CHODL: variants seen among roughly 807,000 people sequenced by gnomAD.
CHODL encodes transmembrane protein MT75.
CHODL carries 29 observed loss-of-function variants against 34.5 expected under a neutral mutation model. That is an observed-to-expected ratio of 0.84 (90% CI 0.63 to 1.15). The LOEUF is 1.15. Among genes scored for constraint, CHODL ranks in the 50% most tolerant of loss-of-function variants. CHODL has a pLI of 0.00. For synonymous variants in CHODL, 125 were observed against 116.1 expected, an observed-to-expected ratio of 1.08 and a Z score of -0.49; for missense variants, 332 against 332.5, an observed-to-expected ratio of 1.00 and a Z score of 0.01.
intron 1 of CHODL, among the ~76,000 whole-genome samples, chr21:17,987,468 A>C (rs2063762470): frequency 6.6e-6 from 1 of 152,204 alleles, no homozygotes. Flanking sequence ...AATAAAAAGA[A>C]TCACTTTCAA....
intron 2 of CHODL, among the ~76,000 whole-genome samples, chr21:18,063,732 TAAAGA>T (rs2064696937): frequency 6.6e-6 from 1 of 152,246 alleles, no homozygotes; most frequent in Admixed American, 6.5e-5. Flanking sequence ...AATAATTATG[TAAAGA>T]ATACTATTTA....
At chr21:18,249,108 TATATATATAATAAAATACATATATAATA>T (rs2074203337) in intron 1 of CHODL, among the ~76,000 whole-genome samples, 1 of 117,492 alleles carries the variant, frequency 8.5e-6, no homozygotes, top group Non-Finnish European at 1.6e-5. Flanking sequence ...TATATAATAA[TATATATATAATAAAATACATATATAATA>T]ATATATATAT....
chr21:17,964,986 A>G lies in CHODL; in HGVS notation c.-145+47586A>G, dbSNP rs370251652. 1.8e-4 allele frequency among the ~76,000 whole-genome samples: 27 copies of G among 152,340 alleles called. 1 individual carries two copies. The highest frequency in any genetic ancestry group is 5.0e-4 in the African/African-American group (21 of 41,588). On this transcript the variant is annotated intron_variant, in intron 1 of 6. Coordinates refer to the CHODL transcript ENST00000400127. ...CATCTGGAAACCATCAGTAAATAAC[A>G]GTTTGGAAATTTCTGCTTCATTTGG...
At chr21:18,046,771 TCTTA>T (rs1297107181) in intron 2 of CHODL, among the ~76,000 whole-genome samples, 2 of 152,104 alleles carry the variant, frequency 1.3e-5, no homozygotes, top group South Asian at 2.1e-4. Flanking sequence ...GACTTGGTTT[TCTTA>T]CTTTAGTTGT....
intron 2 of CHODL, among the ~76,000 whole-genome samples, chr21:18,088,983 C>A (rs1348623620): frequency 1.3e-5 from 2 of 152,188 alleles, no homozygotes; most frequent in Non-Finnish European, 2.9e-5. Context: ...GGAGGCTGCA[C>A]CTGCTCATCC....
chr21:17,949,515 G>T (rs927700463), intron 1 of CHODL, among the ~76,000 whole-genome samples: 3 of 152,240 alleles, frequency 2.0e-5, no homozygotes, highest in Non-Finnish European at 4.4e-5. Flanking sequence ...AAGTGGGGAA[G>T]AGATGAAGTT....
chr21:18,074,557 T>G (rs1463052302), intron 2 of CHODL, among the ~76,000 whole-genome samples: 1 of 152,180 alleles, frequency 6.6e-6, no homozygotes, highest in Non-Finnish European at 1.5e-5. Context: ...CCTGTGCTTT[T>G]AAAAGTTTTC....
chr21:18,126,729 T>C (rs17002351), intron 2 of CHODL, among the ~76,000 whole-genome samples: 4,110 of 152,292 alleles, frequency 0.027, 106 homozygotes, highest in African/African-American at 0.065. Flanking sequence ...AAAATGGCAT[T>C]TAAAAAATCT....
At chr21:18,254,233 A>G (rs539509320) in intron 1 of CHODL, among the ~76,000 whole-genome samples, 28 of 151,664 alleles carry the variant, frequency 1.8e-4, no homozygotes, top group African/African-American at 6.6e-4. Context: ...AATTAAATAC[A>G]TAGTAGAAAA....
intron 1 of CHODL, among the ~76,000 whole-genome samples, chr21:18,008,470 A>G (rs1033212646): frequency 6.6e-6 from 1 of 151,466 alleles, no homozygotes; most frequent in Non-Finnish European, 1.5e-5. Context: ...CTGAAGAACA[A>G]CTCTCCATTT....
At chr21:18,030,412 T>C (rs1359970443) in intron 2 of CHODL, among the ~76,000 whole-genome samples, 1 of 152,152 alleles carries the variant, frequency 6.6e-6, no homozygotes, top group African/African-American at 2.4e-5. Context: ...CTAGACCTGC[T>C]AGGAGTCTTG....
chr21:17,933,767 G>A (rs979413595), intron 1 of CHODL, among the ~76,000 whole-genome samples: 5 of 152,066 alleles, frequency 3.3e-5, no homozygotes, highest in East Asian at 1.9e-4. Flanking sequence ...TAGGCCGGGC[G>A]TGGTGGCTCA....
chr21:18,047,832 G>C (rs931304339), intron 2 of CHODL, among the ~76,000 whole-genome samples: 1 of 151,902 alleles, frequency 6.6e-6, no homozygotes, highest in Non-Finnish European at 1.5e-5. Flanking sequence ...AAAGCACTTT[G>C]GCAGATATTG....
intron 2 of CHODL, among the ~76,000 whole-genome samples, chr21:18,197,892 T>C (rs2073607723): frequency 1.3e-5 from 2 of 152,344 alleles, no homozygotes; most frequent in East Asian, 3.9e-4. Context: ...ATTACTCACA[T>C]GAGCATATAA....
chr21:18,018,871 A>G (rs942094927), intron 1 of CHODL, among the ~76,000 whole-genome samples: 1 of 152,242 alleles, frequency 6.6e-6, no homozygotes, highest in Middle Eastern at 3.4e-3. Flanking sequence ...TATGCCAAAT[A>G]CTCTCAGATT....
intron 2 of CHODL, among the ~76,000 whole-genome samples, chr21:18,112,150 G>C (rs1050965107): frequency 6.6e-6 from 1 of 152,090 alleles, no homozygotes; most frequent in African/African-American, 2.4e-5. Flanking sequence ...TGCTAGTCGA[G>C]GTATGTGTAA....
intron 2 of CHODL, among the ~76,000 whole-genome samples, chr21:18,112,122 A>G (rs185052539): frequency 6.6e-6 from 1 of 152,344 alleles, no homozygotes; most frequent in Admixed American, 6.5e-5. Flanking sequence ...AATAGTAATG[A>G]TAATACATTG....
intron 2 of CHODL, among the ~76,000 whole-genome samples, chr21:18,159,571 C>T (rs748975983): frequency 6.6e-6 from 1 of 152,156 alleles, no homozygotes; most frequent in Non-Finnish European, 1.5e-5. Context: ...GAACTTTCTA[C>T]ATTTGCGGAT....
At position 18,266,757 on chromosome 21, in the gene CHODL, T is replaced by TA. The variant is rs1392967576; in HGVS notation, c.*720dup. On this transcript the variant is annotated 3_prime_UTR_variant, in exon 6 of 6. Transcript: ENST00000299295. ...TTTCAATTGTGCAAGACATGTGCCT[T>TA]ATAATTATTTTTAGCTTAAAATTAA... The TA allele has an allele frequency of 6.5e-6, 1 of 152,730 alleles. No individual in the cohort carries two copies. The highest frequency in any genetic ancestry group is 1.5e-5 in the Non-Finnish European group (1 of 68,104). 9.5% of individuals were successfully genotyped at this position (152,730 alleles called of 1,614,324 possible).
Sources: gnomAD v4.1 joint callset for allele counts (sites outside exome capture counted in the v4.1 genomes callset) on GRCh38, gnomAD v4.1.1 for gene constraint, MANE v1.5 for transcripts, NCBI Gene and HGNC (gene_info 2026-07-23, HGNC 2026-07-21) for gene names.